EPB41L4B: variants seen among roughly 807,000 people sequenced by gnomAD.
EPB41L4B encodes erythrocyte membrane protein band 4.1 like 4B, also known as band 4.1-like protein 4B.
A neutral mutation model predicts 112.5 loss-of-function variants in EPB41L4B; 30 were observed. The observed-to-expected ratio is 0.27, with a 90% CI of 0.20 to 0.36. EPB41L4B has a LOEUF of 0.36. Among genes scored for constraint, EPB41L4B ranks in the 10% least tolerant of loss-of-function variants. The pLI, the probability that EPB41L4B is intolerant of heterozygous loss-of-function variation, is 1.00. For missense variants in EPB41L4B, 1,024 were observed against 1,133.3 expected (o/e 0.90, Z 1.38); for synonymous variants, 408 against 439.7 (o/e 0.93, Z 0.90).
At chr9:109,225,388 G>A (rs751378242) in intron 15 of EPB41L4B, among the ~76,000 whole-genome samples, 12 of 152,184 alleles carry the variant, frequency 7.9e-5, no homozygotes, top group Non-Finnish European at 1.5e-5. Flanking sequence ...AAAGAAAGAG[G>A]TTTGATAAAT....
chr9:109,226,633 G>T (rs1272474272), intron 15 of EPB41L4B, among the ~76,000 whole-genome samples: 33 of 100,028 alleles, frequency 3.3e-4, no homozygotes, highest in African/African-American at 1.4e-3. Context: ...TATATATGAA[G>T]AATATATATA....
chr9:109,242,236 A>T (rs1834377224), intron 15 of EPB41L4B, among the ~76,000 whole-genome samples: 1 of 152,136 alleles, frequency 6.6e-6, no homozygotes, highest in South Asian at 2.1e-4. Flanking sequence ...AAAATACACA[A>T]AATGTTGGGC....
At chr9:109,287,893 A>G (rs1376084372) in intron 1 of EPB41L4B, among the ~76,000 whole-genome samples, 1 of 152,060 alleles carries the variant, frequency 6.6e-6, no homozygotes, top group Non-Finnish European at 1.5e-5. Context: ...TGAGCCACCA[A>G]TCCTGGCTGG....
At chr9:109,317,253 G>A (rs751618702) in intron 1 of EPB41L4B, among the ~76,000 whole-genome samples, 2 of 152,106 alleles carry the variant, frequency 1.3e-5, no homozygotes, top group Non-Finnish European at 1.5e-5. Context: ...CTTTGCCAAG[G>A]GACACTGGAT....
chr9:109,321,008 A>AGCCGCCGCCGCCGCC lies in EPB41L4B; in HGVS notation c.-577_-563dup, dbSNP rs752403352. The stretch of plus-strand genomic sequence containing the variant: ...CTCCCACCTGGGAGGCTGCACCTCC[A>AGCCGCCGCCGCCGCC]GCCGCCGCCGCCGCCGCCGCCGCCG... On this transcript the variant is annotated 5_prime_UTR_variant, in exon 1 of 26. Coordinates refer to ENST00000374566, the MANE Select transcript of EPB41L4B (RefSeq NM_019114.5). 3.9e-4 allele frequency: 71 copies of AGCCGCCGCCGCCGCC among 181,304 alleles called. No individual in the cohort carries two copies. Among genetic ancestry groups the AGCCGCCGCCGCCGCC allele is most frequent in the African/African-American group, 1.7e-3 (67 of 39,874 alleles). The allele number at this position is 181,304 out of a possible 1,614,324, so 11.2% of individuals were successfully genotyped here. A position where few individuals can be genotyped will look rare whatever the true frequency, so the allele number is the denominator to read the frequency against.
Position 109,258,425 on chromosome 9 carries a change from C to T in EPB41L4B, c.632-128G>A, listed in dbSNP as rs1020331506. 6 of 967,446 alleles carry T rather than the reference C, an allele frequency of 6.2e-6. No homozygotes were observed. The Admixed American group carries it at 7.4e-5, about 12-fold the overall frequency. The allele number at this position is 967,446 out of a possible 1,614,324, so 59.9% of individuals were successfully genotyped here. On this transcript the variant is annotated intron_variant, in intron 6 of 25. Coordinates refer to ENST00000374566, the MANE Select transcript of EPB41L4B (RefSeq NM_019114.5). ...CCCCGCCCCAATGTATAACTCTCTC[C>T]TTTCGGGAAGACTTAACTCTCACTT...
At chr9:109,261,847 C>T (rs1366376949) in intron 6 of EPB41L4B, among the ~76,000 whole-genome samples, 2 of 152,026 alleles carry the variant, frequency 1.3e-5, no homozygotes, top group South Asian at 2.1e-4. Context: ...TAAAAACTGG[C>T]CAAATACAAA....
At chr9:109,317,188 G>A (rs561107534) in intron 1 of EPB41L4B, among the ~76,000 whole-genome samples, 1 of 152,300 alleles carries the variant, frequency 6.6e-6, no homozygotes, top group East Asian at 1.9e-4. Flanking sequence ...AGCCCTGTCA[G>A]AAGAAACAAT....
At chr9:109,275,521 C>T (rs1023834696) in intron 2 of EPB41L4B, among the ~76,000 whole-genome samples, 3 of 152,156 alleles carry the variant, frequency 2.0e-5, no homozygotes, top group South Asian at 2.1e-4. Context: ...ACAGGCAAGG[C>T]GGGCCTTACA....
At chr9:109,241,921 T>C in intron 15 of EPB41L4B, 1 of 998,192 alleles carries the variant, frequency 1.0e-6, no homozygotes, top group South Asian at 1.5e-5. Context: ...ATGAGCCATG[T>C]GAATGGGGAT....
chr9:109,281,851 T>C (rs184397499), intron 1 of EPB41L4B, among the ~76,000 whole-genome samples: 21 of 152,314 alleles, frequency 1.4e-4, no homozygotes, highest in African/African-American at 4.8e-4. Context: ...CACAAATGGC[T>C]AAACATAGAG....
intron 1 of EPB41L4B, among the ~76,000 whole-genome samples, chr9:109,298,641 A>G (rs1743595688): frequency 2.6e-5 from 4 of 152,208 alleles, no homozygotes; most frequent in Admixed American, 2.6e-4. Flanking sequence ...GCAACAACTG[A>G]ATGCCAAGGA....
intron 1 of EPB41L4B, among the ~76,000 whole-genome samples, chr9:109,284,897 G>A (rs1197077702): frequency 3.9e-5 from 6 of 152,142 alleles, no homozygotes; most frequent in Admixed American, 3.9e-4. Context: ...TGTTTCATTA[G>A]AGAATCTGCT....
In EPB41L4B at chr9:109,277,762, G is replaced by A. The variant is rs576485998; in HGVS notation, c.411+2055C>T. ...CTGGCTGGGGCTGGGAGGAAGGCCA[G>A]GGCAGGAGAAGGCTGGGAGGGGACA... On this transcript the variant is annotated intron_variant, in intron 2 of 25. Transcript: ENST00000374566. Among the ~76,000 whole-genome samples the A allele has an allele frequency of 7.0e-4, 107 of 152,210 alleles. 1 individual carries two copies. Among genetic ancestry groups the A allele is most frequent in the South Asian group, 8.3e-4 (4 of 4,826 alleles).
intron 1 of EPB41L4B, among the ~76,000 whole-genome samples, chr9:109,298,627 A>C (rs1247315820): frequency 6.6e-6 from 1 of 152,192 alleles, no homozygotes; most frequent in Admixed American, 6.5e-5. Flanking sequence ...ACGCATTTTT[A>C]AAAGCAACAA....
intron 24 of EPB41L4B, among the ~76,000 whole-genome samples, chr9:109,180,184 G>A (rs1426084188): frequency 1.3e-5 from 2 of 152,162 alleles, no homozygotes; most frequent in African/African-American, 4.8e-5. Flanking sequence ...CGCCCTGGGG[G>A]TCTGGCTCAT....
chr9:109,191,344 G>T (rs895997819), intron 22 of EPB41L4B, among the ~76,000 whole-genome samples: 1 of 152,156 alleles, frequency 6.6e-6, no homozygotes, highest in Non-Finnish European at 1.5e-5. Context: ...GCTGTGAAGT[G>T]GTGGCTGTGT....
intron 1 of EPB41L4B, among the ~76,000 whole-genome samples, chr9:109,285,979 C>T (rs1216279877): frequency 6.6e-6 from 1 of 152,130 alleles, no homozygotes; most frequent in East Asian, 1.9e-4. Context: ...GCTGCCTGTG[C>T]TCCTGTGTCA....
chr9:109,316,796 T>C (rs77070310), intron 1 of EPB41L4B, among the ~76,000 whole-genome samples: 18,258 of 152,164 alleles, frequency 0.12, 1,414 homozygotes, highest in East Asian at 0.2. Flanking sequence ...TGACTATCCA[T>C]AGCAAAGACT....
Sources: gnomAD v4.1 joint callset for allele counts (sites outside exome capture counted in the v4.1 genomes callset) on GRCh38, gnomAD v4.1.1 for gene constraint, MANE v1.5 for transcripts, NCBI Gene and HGNC (gene_info 2026-07-23, HGNC 2026-07-21) for gene names.